DNAH9: variants seen among roughly 807,000 people sequenced by gnomAD.
The protein encoded by DNAH9 is dynein axonemal heavy chain 9.
In DNAH9, 345 loss-of-function variants were observed where a neutral mutation model predicts 471.6. That is an observed-to-expected ratio of 0.73 (90% confidence interval 0.67 to 0.80). DNAH9 has a LOEUF of 0.80. Among genes scored for constraint, DNAH9 ranks in the 30% least tolerant of loss-of-function variants. The pLI is 0.00. For synonymous variants in DNAH9, 2,093 were observed against 2,123.6 expected (o/e 0.99, Z 0.40); for missense variants, 5,407 against 5,609.2 (o/e 0.96, Z 1.15).
chr17:11,820,546 G>A (rs1970271343), intron 45 of DNAH9, among the ~76,000 whole-genome samples: 2 of 152,032 alleles, frequency 1.3e-5, no homozygotes, highest in Non-Finnish European at 2.9e-5. Flanking sequence ...TTATGAGTGA[G>A]GTGAAGCATC....
At chr17:11,945,737 A>G (rs925883623) in intron 67 of DNAH9, among the ~76,000 whole-genome samples, 3 of 149,108 alleles carry the variant, frequency 2.0e-5, no homozygotes, top group African/African-American at 7.4e-5. Context: ...TGAGAATTGC[A>G]CTACTATGCA....
rs1286183662 is a variant in DNAH9, at chr17:11,801,615, C to T, written c.8420+3822C>T. On this transcript the variant is annotated intron_variant, in intron 43 of 68. Coordinates refer to ENST00000262442, the MANE Select transcript of DNAH9 (RefSeq NM_001372.4). ...CTGAGGCAGGAGAATCGCTTGAACCCGGGAGGCAGCGGTTGCAGTGAGCCA... is the reference window on the plus strand; with the variant it reads ...CTGAGGCAGGAGAATCGCTTGAACCTGGGAGGCAGCGGTTGCAGTGAGCCA... 2.0e-5 allele frequency among the ~76,000 whole-genome samples: 3 copies of T among 152,210 alleles called. No individual in the cohort carries two copies. The East Asian group carries it at 5.8e-4, about 29-fold the overall frequency.
chr17:11,896,152 T>C (rs1009018222), intron 59 of DNAH9, among the ~76,000 whole-genome samples: 1 of 152,204 alleles, frequency 6.6e-6, no homozygotes, highest in Non-Finnish European at 1.5e-5. Context: ...GCACCAGTTA[T>C]ATTGGTTAGG....
chr17:11,851,184 C>A (rs1019590224), intron 49 of DNAH9, among the ~76,000 whole-genome samples: 1 of 152,022 alleles, frequency 6.6e-6, no homozygotes, highest in Admixed American at 6.6e-5. Flanking sequence ...GATCTTGGCT[C>A]CTTGCAACCT....
intron 68 of DNAH9, among the ~76,000 whole-genome samples, chr17:11,967,805 G>C (rs1289956627): frequency 6.6e-6 from 1 of 152,082 alleles, no homozygotes; most frequent in Non-Finnish European, 1.5e-5. Flanking sequence ...AGGCTATACT[G>C]TATCAGACAA....
intron 67 of DNAH9, among the ~76,000 whole-genome samples, chr17:11,945,526 A>G (rs1473342434): frequency 6.8e-6 from 1 of 147,718 alleles, no homozygotes; most frequent in Non-Finnish European, 1.5e-5. Flanking sequence ...TGACAGAGAG[A>G]GATTCCATCT....
intron 1 of DNAH9, among the ~76,000 whole-genome samples, chr17:11,602,997 C>T (rs551283242): frequency 1.3e-5 from 2 of 152,314 alleles, no homozygotes; most frequent in Admixed American, 1.3e-4. Context: ...AATTTGAGTG[C>T]CATGCTCCTT....
intron 67 of DNAH9, among the ~76,000 whole-genome samples, chr17:11,949,335 A>G (rs1355061855): frequency 6.6e-6 from 1 of 152,158 alleles, no homozygotes; most frequent in Non-Finnish European, 1.5e-5. Flanking sequence ...CGAAGGGTCC[A>G]GTGTTTTAAG....
Position 11,784,342 on chromosome 17 carries a change from G to A in DNAH9, c.7864G>A (p.Ala2622Thr). The change falls in exon 41 of 69, where the codon GCC (alanine) becomes ACC (threonine). Residue 2622 changes from alanine (A) to threonine (T), a missense_variant. Around this residue, in one of 3 missense-constraint regions of DNAH9, gnomAD observed 4,636 missense variants for 4,900.3 expected, o/e 0.95. Transcript: ENST00000262442. The stretch of plus-strand genomic sequence containing the variant: ...TGTCCTCTCCTTCCCGGGGGCAGAT[G>A]CCCTGTCCTCTATCTACAGCATCAT... ...VFVLSFPGAD[A>T]LSSIYSIILT... The A allele has an allele frequency of 6.2e-7, 1 of 1,614,160 alleles. No homozygotes were observed. Among genetic ancestry groups the A allele is most frequent in the Non-Finnish European group, 8.5e-7 (1 of 1,180,028 alleles).
At chr17:11,961,614 A>G (rs1257232186) in intron 67 of DNAH9, among the ~76,000 whole-genome samples, 1 of 152,210 alleles carries the variant, frequency 6.6e-6, no homozygotes, top group African/African-American at 2.4e-5. Context: ...TGTGAGTAGA[A>G]CAGTTGAGAC....
At chr17:11,815,249 C>T (rs1281450363) in intron 45 of DNAH9, among the ~76,000 whole-genome samples, 1 of 150,968 alleles carries the variant, frequency 6.6e-6, no homozygotes. Context: ...ACTCAAGAGA[C>T]TTTGTGTTCT....
chr17:11,658,220 G>C (rs765129361), intron 14 of DNAH9, among the ~76,000 whole-genome samples: 22 of 152,072 alleles, frequency 1.4e-4, no homozygotes, highest in Non-Finnish European at 3.2e-4. Context: ...TTTTAGTGTA[G>C]AAGTCTCACA....
rs1491507391 is a variant in DNAH9, at chr17:11,762,771, T to TTTGTTTG, written c.6996-667_6996-666insGTTTGTT. Among the ~76,000 whole-genome samples the TTTGTTTG allele has an allele frequency of 2.1e-4, 17 of 82,862 alleles. 2 individuals are homozygous for TTTGTTTG. The highest frequency in any genetic ancestry group is 4.2e-4 in the Non-Finnish European group (17 of 40,424). 54.4% of individuals were successfully genotyped at this position (82,862 alleles called of 152,430 possible). ...CTCTTTAGGTGCGTTTTTTTTTTTG[T>TTTGTTTG]TTTTTTTTTTTTTTTTTTTTTTTTT... On this transcript the variant is annotated intron_variant, in intron 35 of 68. Transcript: ENST00000262442.
chr17:11,826,556 G>T (rs1377501504), intron 48 of DNAH9, among the ~76,000 whole-genome samples: 1 of 143,124 alleles, frequency 7.0e-6, no homozygotes, highest in Non-Finnish European at 1.5e-5. Context: ...TGCCTCCCGG[G>T]TTCACACCAT....
At chr17:11,740,330 C>T (rs537910511) in intron 29 of DNAH9, among the ~76,000 whole-genome samples, 44 of 152,214 alleles carry the variant, frequency 2.9e-4, no homozygotes, top group East Asian at 2.1e-3. Flanking sequence ...GCAGACTGGG[C>T]GGCCTAAACA....
chr17:11,635,693 G>A (rs1482771677), intron 8 of DNAH9, among the ~76,000 whole-genome samples: 1 of 152,114 alleles, frequency 6.6e-6, no homozygotes, highest in African/African-American at 2.4e-5. Context: ...TCTCAGAAAA[G>A]CATCACAATG....
intron 2 of DNAH9, among the ~76,000 whole-genome samples, chr17:11,609,583 A>G (rs2072586073): frequency 6.6e-6 from 1 of 152,170 alleles, no homozygotes; most frequent in Non-Finnish European, 1.5e-5. Context: ...ATGAAGTGGA[A>G]GTGGGTTTCT....
intron 10 of DNAH9, 94 bp from the exon 11 acceptor site, chr17:11,644,537 T>C (rs1164082616): frequency 5.6e-6 from 5 of 890,464 alleles, no homozygotes; most frequent in South Asian, 1.6e-5. Flanking sequence ...CAAGGAGCTA[T>C]TCACGCTCTT....
chr17:11,719,601 G>A (rs1442565038), intron 27 of DNAH9, 111 bp downstream of exon 27: 13 of 1,052,904 alleles, frequency 1.2e-5, no homozygotes, highest in East Asian at 2.4e-5. Flanking sequence ...CCCAGGTCTC[G>A]GAGCCCAGAT....
Sources: gnomAD v4.1 joint callset for allele counts (sites outside exome capture counted in the v4.1 genomes callset) on GRCh38, gnomAD v4.1.1 for gene constraint, gnomAD v4.1.1 regional missense constraint, MANE v1.5 for transcripts, NCBI Gene and HGNC (gene_info 2026-07-23, HGNC 2026-07-21) for gene names.